Variants in GPR108 observed in about 807,000 individuals in gnomAD.
GPR108 encodes G protein-coupled receptor 108, also known as protein GPR108.
A neutral mutation model predicts 74.3 loss-of-function variants in GPR108; 60 were observed. The ratio of observed to expected loss-of-function variants is 0.81; its 90% CI spans 0.66 to 1.00. The LOEUF (loss-of-function observed/expected upper bound fraction) is 1.00, where lower values mean the gene tolerates loss of function less well. Ranked by LOEUF, GPR108 falls within the 50% of genes least tolerant of loss-of-function variation. GPR108 has a pLI of 0.00. For synonymous variants in GPR108, 311 were observed against 292.4 expected (o/e 1.06, Z -0.65); for missense variants, 667 against 703.3 (o/e 0.95, Z 0.58).
At chr19:6,732,724 AAC>A (rs1186072472) in intron 10 of GPR108, 175 bp from the exon 11 acceptor site, 10 of 674,044 alleles carry the variant, frequency 1.5e-5, no homozygotes, top group Non-Finnish European at 1.9e-5. Context: ...AAATGGAGGG[AAC>A]AGTCACAGCT....
intron 1 of GPR108, 38 bp downstream of exon 1, chr19:6,737,419 G>C: frequency 1.3e-6 from 2 of 1,572,308 alleles, no homozygotes; most frequent in Non-Finnish European, 8.6e-7. Context: ...AGACAAAGTT[G>C]CGCCACCGAC....
At chr19:6,730,472 T>G in intron 17 of GPR108, 88 bp from the exon 18 acceptor site, 1 of 999,028 alleles carries the variant, frequency 1.0e-6, no homozygotes, top group South Asian at 1.3e-5. Flanking sequence ...CCCGCCCCAC[T>G]CCCCCCAACC....
chr19:6,730,251 G>T lies in GPR108; in HGVS notation c.*61C>A. On this transcript the variant is annotated 3_prime_UTR_variant, in exon 18 of 18. Coordinates refer to ENST00000264080, the MANE Select transcript of GPR108 (RefSeq NM_001080452.2). ...CCACCTCCCCACATACGCTGTGGAA[G>T]AAGGGCAGGAGTGAGAAATGCTGGG... 1 of 1,480,320 alleles carries T rather than the reference G, an allele frequency of 6.8e-7. No homozygotes were observed. The allele number at this position is 1,480,320 out of a possible 1,614,324, so 91.7% of individuals were successfully genotyped here. A position where few individuals can be genotyped will look rare whatever the true frequency, so the allele number is the denominator to read the frequency against.
intron 4 of GPR108, chr19:6,735,329 G>A (rs163916): frequency 0.53 from 158,156 of 299,610 alleles, 42,694 homozygotes; most frequent in African/African-American, 0.63. Context: ...TAAGGAATGG[G>A]TGAGTTAGTG....
intron 8 of GPR108, 57 bp from the exon 9 acceptor site, chr19:6,733,358 G>A: frequency 1.9e-6 from 3 of 1,559,150 alleles, no homozygotes; most frequent in South Asian, 1.1e-5. Flanking sequence ...GCTGGCCTGG[G>A]AGAGCAGCGA....
rs559954892 is a variant in GPR108 at position 6,730,096 on chromosome 19, G to T, written c.*216C>A. The T allele has an allele frequency of 1.7e-6, 1 of 587,280 alleles. No homozygotes were observed. Among genetic ancestry groups the T allele is most frequent in the East Asian group, 2.9e-5 (1 of 35,020 alleles). 36.4% of individuals were successfully genotyped at this position (587,280 alleles called of 1,614,324 possible). ...TCATTATTGTACACATAGCTGGAAG[G>T]GAGGGGTGGTCCCGGGGTAAGGACA... On this transcript the variant is annotated 3_prime_UTR_variant, in exon 18 of 18. Transcript: ENST00000264080.
chr19:6,735,857 T>C lies in GPR108; in HGVS notation c.291+51A>G, dbSNP rs978410085. ...GGTTACAGATGCAGAGGACAGACCC[T>C]ACCCCCTCCCTCCAGCCCCTTCTCC... On this transcript the variant is annotated intron_variant, in intron 3 of 17. Transcript: ENST00000264080. The C allele has an allele frequency of 2.5e-6, 4 of 1,580,886 alleles. No individual in the cohort carries two copies. The African/African-American group carries it at 5.4e-5, about 21-fold the overall frequency.
intron 1 of GPR108, chr19:6,737,008 C>T (rs561949210): frequency 2.3e-6 from 1 of 437,564 alleles, no homozygotes; most frequent in East Asian, 4.2e-5. Flanking sequence ...GCCTGACCTT[C>T]ACCTTCCCGA....
chr19:6,735,477 A>G (rs1269999392), intron 4 of GPR108, 145 bp downstream of exon 4: 6 of 694,590 alleles, frequency 8.6e-6, no homozygotes, highest in Non-Finnish European at 1.5e-5. Context: ...CCTTCCAACA[A>G]TCAGAAGACT....
chr19:6,736,824 C>T (rs772131059), intron 1 of GPR108, 113 bp from the exon 2 acceptor site: 13 of 1,450,782 alleles, frequency 9.0e-6, no homozygotes, highest in Middle Eastern at 1.9e-4. Context: ...CTATTTAGGA[C>T]AGGCCCAGAG....
At chr19:6,731,983 T>C (rs1968426751) in intron 13 of GPR108, 42 bp downstream of exon 13, 2 of 1,613,346 alleles carry the variant, frequency 1.2e-6, no homozygotes, top group Non-Finnish European at 1.7e-6. Context: ...ACATCGCCCA[T>C]GTGCACAGGG....
intron 5 of GPR108, 39 bp downstream of exon 5, chr19:6,734,144 T>C: frequency 6.2e-7 from 1 of 1,614,154 alleles, no homozygotes; most frequent in Non-Finnish European, 8.5e-7. Flanking sequence ...AGGGCAGACC[T>C]GCCCATCCAC....
At chr19:6,733,338 C>G (rs1005850597) in intron 8 of GPR108, 37 bp from the exon 9 acceptor site, 2 of 1,599,746 alleles carry the variant, frequency 1.3e-6, no homozygotes, top group Non-Finnish European at 1.7e-6. Flanking sequence ...GGCAGGGGCA[C>G]AGCCCGACCG....
In GPR108 at chr19:6,731,121, G is replaced by C. The variant is rs78817095; in HGVS notation, c.1435-10C>G. 6.2e-7 allele frequency: 1 copy of C among 1,612,512 alleles called. No individual in the cohort carries two copies. The highest frequency in any genetic ancestry group is 1.1e-5 in the South Asian group (1 of 91,062). On this transcript the variant is annotated splice_polypyrimidine_tract_variant and intron_variant, in intron 16 of 17. Coordinates refer to ENST00000264080, the MANE Select transcript of GPR108 (RefSeq NM_001080452.2). Reference sequence around the variant, plus strand: ...AGCCCTCCACCAAGAGCTGGGGGACGGGGCGGAGTGGGGGCGTCAGGCGCA... The same window carrying C: ...AGCCCTCCACCAAGAGCTGGGGGACCGGGCGGAGTGGGGGCGTCAGGCGCA...
chr19:6,731,536 CAG>C lies in GPR108; in HGVS notation c.1301-16_1301-15del. 8.9e-7 allele frequency: 1 copy of C among 1,127,392 alleles called. No homozygotes were observed. The highest frequency in any genetic ancestry group is 1.1e-6 in the Non-Finnish European group (1 of 900,584). The allele number at this position is 1,127,392 out of a possible 1,614,324, so 69.8% of individuals were successfully genotyped here. ...GGTTCACTGCCACTGAGGGTGGGCACAGAGAGGGCGGTCAGGGGAGACTGAGG... is the reference window on the plus strand; with the variant it reads ...GGTTCACTGCCACTGAGGGTGGGCACAGAGGGCGGTCAGGGGAGACTGAGG... On this transcript the variant is annotated splice_polypyrimidine_tract_variant and intron_variant, in intron 14 of 17. Transcript: ENST00000264080.
chr19:6,730,568 TCTA>T, intron 17 of GPR108, 184 bp from the exon 18 acceptor site: 1 of 601,652 alleles, frequency 1.7e-6, no homozygotes, highest in Admixed American at 2.7e-5. Context: ...GCCCTACCCT[TCTA>T]CTCCAACCAC....
In GPR108 at chr19:6,735,184, T is replaced by C. The variant is rs75586713; in HGVS notation, c.374+438A>G. ...GGGATTACAGGCGTAAGCCACTGCC[T>C]GGCCCTAAGTATATTATTTAAAAAG... On this transcript the variant is annotated intron_variant, in intron 4 of 17. Coordinates refer to ENST00000264080, the MANE Select transcript of GPR108 (RefSeq NM_001080452.2). 1.3e-3 allele frequency among the ~76,000 whole-genome samples: 193 copies of C among 152,320 alleles called. 4 individuals are homozygous for C. In the East Asian group the frequency reaches 0.027, roughly 21 times the overall value.
chr19:6,736,469 C>T, intron 2 of GPR108, 123 bp downstream of exon 2: 7 of 1,019,204 alleles, frequency 6.9e-6, no homozygotes, highest in Non-Finnish European at 1.0e-5. Flanking sequence ...GTACAGATGA[C>T]GAAACAGGCT....
chr19:6,731,961 C>T (rs751181869), intron 13 of GPR108, 27 bp from the exon 14 acceptor site: 37 of 1,613,010 alleles, frequency 2.3e-5, no homozygotes, highest in African/African-American at 4.0e-5. Flanking sequence ...ACACAGGGTA[C>T]GGTCAGCGCG....
Sources: gnomAD v4.1 joint callset for allele counts (sites outside exome capture counted in the v4.1 genomes callset) on GRCh38, gnomAD v4.1.1 for gene constraint, MANE v1.5 for transcripts, NCBI Gene and HGNC (gene_info 2026-07-23, HGNC 2026-07-21) for gene names.